DST: variants seen among roughly 807,000 people sequenced by gnomAD.
DST encodes the protein dystonin.
Under a neutral mutation model 875.2 loss-of-function variants are expected in DST, and 253 were observed. The ratio of observed to expected loss-of-function variants is 0.29; its 90% CI spans 0.26 to 0.32. The LOEUF is 0.32. Among genes scored for constraint, DST ranks in the 10% least tolerant of loss-of-function variants. DST has a pLI of 1.00. For synonymous variants in DST, 3,124 were observed against 3,197.1 expected (o/e 0.98, Z 0.77); for missense variants, 8,287 against 9,111.6 (o/e 0.91, Z 3.68).
chr6:56,662,027 C>T (rs1366719945), intron 10 of DST, among the ~76,000 whole-genome samples: 1 of 152,070 alleles, frequency 6.6e-6, no homozygotes, highest in Non-Finnish European at 1.5e-5. Context: ...CCTTCAATTT[C>T]ATCACGGGCA....
intron 71 of DST, among the ~76,000 whole-genome samples, chr6:56,516,977 C>A (rs868703856): frequency 6.6e-6 from 1 of 152,116 alleles, no homozygotes; most frequent in Non-Finnish European, 1.5e-5. Flanking sequence ...ACCTTAATAG[C>A]CTTTGTGCCT....
chr6:56,629,847 A>T (rs1372495897), intron 31 of DST, among the ~76,000 whole-genome samples: 2 of 152,244 alleles, frequency 1.3e-5, no homozygotes, highest in Non-Finnish European at 2.9e-5. Context: ...TAGTTTCACC[A>T]CTTGCTAAAG....
At position 56,942,585 on chromosome 6, in the gene DST, AATT is replaced by A. The variant is rs1274863372; in HGVS notation, c.216+11197_216+11199del. 1.1e-4 allele frequency among the ~76,000 whole-genome samples: 16 copies of A among 152,082 alleles called. No individual in the cohort carries two copies. In the East Asian group the frequency reaches 3.1e-3, roughly 29 times the overall value. ...TGTAGAAACTTTGCAAATGTATAGG[AATT>A]CCATTACTCCCCTGCCATTCTTTAC... On this transcript the variant is annotated intron_variant, in intron 2 of 103. Coordinates refer to ENST00000680361, the MANE Select transcript of DST (RefSeq NM_001374736.1).
intron 2 of DST, 42 bp from the exon 3 acceptor site, chr6:56,900,663 G>A: frequency 1.5e-6 from 2 of 1,337,550 alleles, no homozygotes; most frequent in Non-Finnish European, 2.0e-6. Flanking sequence ...GATTTGTATT[G>A]AGTTAGTCTG....
intron 2 of DST, among the ~76,000 whole-genome samples, chr6:56,933,175 G>A (rs1811198298): frequency 6.6e-6 from 1 of 152,042 alleles, no homozygotes; most frequent in Admixed American, 6.6e-5. Flanking sequence ...AATCTTTTCT[G>A]CTGACCCAGA....
intron 4 of DST, among the ~76,000 whole-genome samples, chr6:56,787,539 C>G (rs1012168512): frequency 3.3e-5 from 5 of 152,140 alleles, no homozygotes; most frequent in African/African-American, 1.2e-4. Context: ...CAATTCTCAC[C>G]AGGATTGGCA....
intron 3 of DST, among the ~76,000 whole-genome samples, chr6:56,869,946 A>T (rs1400182218): frequency 2.0e-5 from 3 of 152,024 alleles, no homozygotes; most frequent in Admixed American, 6.5e-5. Flanking sequence ...TCGGCCTCCT[A>T]AAGTGCTGGG....
chr6:56,711,591 A>G (rs768429484), intron 5 of DST, among the ~76,000 whole-genome samples: 1 of 152,220 alleles, frequency 6.6e-6, no homozygotes, highest in African/African-American at 2.4e-5. Context: ...GGAGAAATAA[A>G]TTCAGAAATC....
intron 103 of DST, 51 bp from the exon 104 acceptor site, chr6:56,459,318 A>C: frequency 6.5e-7 from 1 of 1,545,786 alleles, no homozygotes; most frequent in Non-Finnish European, 8.7e-7. Context: ...GTCCATCTGC[A>C]ACTAATTTTT....
rs751953259 is a variant in DST, at chr6:56,624,634, A to G, written c.4831-6T>C. 6.3e-7 allele frequency: 1 copy of G among 1,578,590 alleles called. No homozygotes were observed. Among genetic ancestry groups the G allele is most frequent in the Admixed American group, 1.7e-5 (1 of 59,950 alleles). On this transcript the variant is annotated splice_polypyrimidine_tract_variant and splice_region_variant and intron_variant, in intron 35 of 103. Coordinates refer to ENST00000680361, the MANE Select transcript of DST (RefSeq NM_001374736.1). Reference sequence around the variant, plus strand: ...CGAGTCCTTAGGTCCATGAACTGCAAGTAAGGAAAAAAATAATAAAAGCAT... The same window carrying G: ...CGAGTCCTTAGGTCCATGAACTGCAGGTAAGGAAAAAAATAATAAAAGCAT...
chr6:56,738,406 C>T lies in DST; in HGVS notation c.626-3117G>A, dbSNP rs918462581. Among the ~76,000 whole-genome samples, 32 of 152,268 alleles carry T rather than the reference C, an allele frequency of 2.1e-4. No individual in the cohort carries two copies. In the East Asian group the frequency reaches 4.1e-3, roughly 19 times the overall value. On this transcript the variant is annotated intron_variant, in intron 4 of 103. Coordinates refer to ENST00000680361, the MANE Select transcript of DST (RefSeq NM_001374736.1). ...CATGATCTCAGCTCACTACAACCTC[C>T]GCCTCCCAGGTGCAAGCGATTCTCC...
intron 71 of DST, among the ~76,000 whole-genome samples, chr6:56,516,913 A>C (rs2096605029): frequency 6.6e-6 from 1 of 152,196 alleles, no homozygotes; most frequent in African/African-American, 2.4e-5. Flanking sequence ...AATGGTAATA[A>C]TACAGCTAAC....
chr6:56,749,095 A>G (rs1052929486), intron 4 of DST, among the ~76,000 whole-genome samples: 2 of 152,250 alleles, frequency 1.3e-5, no homozygotes, highest in Admixed American at 6.5e-5. Flanking sequence ...GGCCGGGCGC[A>G]GTGGCTCAGG....
At chr6:56,583,802 G>A (rs1202945298) in intron 49 of DST, among the ~76,000 whole-genome samples, 4 of 152,178 alleles carry the variant, frequency 2.6e-5, no homozygotes, top group Non-Finnish European at 4.4e-5. Context: ...TCCAGTTTCA[G>A]CTTTCTACAT....
intron 63 of DST, among the ~76,000 whole-genome samples, chr6:56,534,030 T>G (rs896328270): frequency 6.6e-6 from 1 of 152,194 alleles, no homozygotes; most frequent in Non-Finnish European, 1.5e-5. Context: ...ATCAATCTGA[T>G]TGACATATCC....
chr6:56,702,342 T>C (rs1313606277), intron 7 of DST, among the ~76,000 whole-genome samples: 1 of 152,026 alleles, frequency 6.6e-6, no homozygotes, highest in Non-Finnish European at 1.5e-5. Flanking sequence ...TACCTTCTTA[T>C]TGAACACTAT....
At chr6:56,653,320 GT>G (rs2098986520) in intron 10 of DST, among the ~76,000 whole-genome samples, 1 of 152,106 alleles carries the variant, frequency 6.6e-6, no homozygotes, top group South Asian at 2.1e-4. Context: ...AACTGAAATG[GT>G]TTTCCTCCAC....
chr6:56,716,784 G>A (rs1158145589), intron 5 of DST, among the ~76,000 whole-genome samples: 1 of 152,170 alleles, frequency 6.6e-6, no homozygotes, highest in East Asian at 1.9e-4. Flanking sequence ...ACCAGGGACT[G>A]GTTTCATGGG....
chr6:56,595,752 T>C (rs1325716979), intron 47 of DST, among the ~76,000 whole-genome samples: 1 of 151,848 alleles, frequency 6.6e-6, no homozygotes, highest in East Asian at 1.9e-4. Context: ...ACTTGTGTTT[T>C]TGGTATTTGA....
Sources: gnomAD v4.1 joint callset for allele counts (sites outside exome capture counted in the v4.1 genomes callset) on GRCh38, gnomAD v4.1.1 for gene constraint, MANE v1.5 for transcripts, NCBI Gene and HGNC (gene_info 2026-07-23, HGNC 2026-07-21) for gene names.